XNDC1N: variants seen among roughly 807,000 people sequenced by gnomAD.
The protein encoded by XNDC1N is protein XNDC1N.
chr11:71,894,693 T>A, the XNDC1N span, among the ~76,000 whole-genome samples: 2 of 152,244 alleles, frequency 1.3e-5, no homozygotes, highest in African/African-American at 4.8e-5. Flanking sequence ...ACAACCATCT[T>A]TTCATATACA....
chr11:71,923,617 G>A, the XNDC1N span: 89 of 436,824 alleles, frequency 2.0e-4, no homozygotes, highest in African/African-American at 1.4e-3. Flanking sequence ...GTGCAGTGGC[G>A]CAATCTTGGC....
chr11:71,891,207 G>T, the XNDC1N span, among the ~76,000 whole-genome samples: 24 of 150,360 alleles, frequency 1.6e-4, no homozygotes, highest in East Asian at 4.7e-3. Flanking sequence ...ATCACAGGGT[G>T]GTGTACCCCC....
Sources: gnomAD v4.1 joint callset for allele counts (sites outside exome capture counted in the v4.1 genomes callset) on GRCh38, gnomAD v4.1.1 for gene constraint, MANE v1.5 for transcripts, NCBI Gene and HGNC (gene_info 2026-07-23, HGNC 2026-07-21) for gene names.